The following BACH2 variants were observed in gnomAD, a reference collection of about 807,000 sequenced individuals.
BACH2 encodes BACH transcriptional regulator 2, also known as transcription regulator protein BACH2.
BACH2 carries 5 observed loss-of-function variants against 61.8 expected under a neutral mutation model. That is an observed-to-expected ratio of 0.08 (90% CI 0.04 to 0.17). The LOEUF (loss-of-function observed/expected upper bound fraction) is 0.17, where lower values mean the gene tolerates loss of function less well. Ranked by LOEUF, BACH2 falls within the 10% of genes least tolerant of loss-of-function variation. The pLI is 1.00. For missense variants in BACH2, 824 were observed against 1,091.1 expected (o/e 0.76, Z 3.45); for synonymous variants, 446 against 440.1 (o/e 1.01, Z -0.17).
intron 5 of BACH2, among the ~76,000 whole-genome samples, chr6:90,021,299 T>TAAAAAAAAAAAAAAAAAAAACAAAAAAAA (rs200724602): frequency 1.0e-5 from 1 of 100,242 alleles, no homozygotes; most frequent in Non-Finnish European, 2.3e-5. Context: ...AGCAAAAAAG[T>TAAAAAAAAAAAAAAAAAAAACAAAAAAAA]AAAAAAAAAA....
chr6:90,105,476 G>C (rs1782860403), intron 4 of BACH2, among the ~76,000 whole-genome samples: 1 of 152,132 alleles, frequency 6.6e-6, no homozygotes, highest in South Asian at 2.1e-4. Context: ...GAACAACTTG[G>C]TGTACCAGTG....
intron 1 of BACH2, among the ~76,000 whole-genome samples, chr6:90,289,030 TA>T (rs1476220876): frequency 6.6e-6 from 1 of 152,178 alleles, no homozygotes; most frequent in Non-Finnish European, 1.5e-5. Flanking sequence ...AAATGGACAC[TA>T]AAACCTAAGG....
intron 5 of BACH2, among the ~76,000 whole-genome samples, chr6:90,022,949 C>T (rs1778453647): frequency 1.3e-5 from 2 of 152,258 alleles, no homozygotes; most frequent in Admixed American, 1.3e-4. Flanking sequence ...GAATAACTCC[C>T]AACTGGAAAC....
In BACH2 at chr6:90,008,585, A is replaced by G; in HGVS notation, c.243+17T>C. 1 of 1,613,362 alleles carries G rather than the reference A, an allele frequency of 6.2e-7. No homozygotes were observed. Among genetic ancestry groups the G allele is most frequent in the Non-Finnish European group, 8.5e-7 (1 of 1,179,722 alleles). ...AATAAACATTCATTAACAATCACAC[A>G]AACCAAATTACTGTACCTCCTCAGG... On this transcript the variant is annotated intron_variant, in intron 6 of 8. Transcript: ENST00000257749. The surrounding 1 kb of genome is among the most constrained non-coding windows in gnomAD (Gnocchi z 4.1).
At chr6:90,203,589 G>T (rs528532878) in intron 4 of BACH2, among the ~76,000 whole-genome samples, 109 of 152,086 alleles carry the variant, frequency 7.2e-4, no homozygotes, top group African/African-American at 2.5e-3. Context: ...TAACATGTAA[G>T]AATTTACAAT....
At chr6:90,189,121 T>G (rs1768464739) in intron 4 of BACH2, among the ~76,000 whole-genome samples, 1 of 152,184 alleles carries the variant, frequency 6.6e-6, no homozygotes, top group South Asian at 2.1e-4. Flanking sequence ...TAAAAGCAAC[T>G]TCTTAAAATT....
At chr6:89,964,698 G>A (rs559321843) in intron 6 of BACH2, among the ~76,000 whole-genome samples, 2 of 152,276 alleles carry the variant, frequency 1.3e-5, no homozygotes, top group South Asian at 4.1e-4. Context: ...ACTGGTCGAG[G>A]AGAATTCTGG....
chr6:90,204,022 G>A (rs1562502367), intron 4 of BACH2, among the ~76,000 whole-genome samples: 2 of 152,084 alleles, frequency 1.3e-5, no homozygotes, highest in Admixed American at 6.5e-5. Context: ...GGGATTCTGT[G>A]TTTTCTAGAG....
chr6:90,272,777 A>C (rs1771568017), intron 1 of BACH2, among the ~76,000 whole-genome samples: 1 of 152,134 alleles, frequency 6.6e-6, no homozygotes, highest in Non-Finnish European at 1.5e-5. Context: ...GATCCTGCTT[A>C]GCTGAGAAAA....
intron 3 of BACH2, among the ~76,000 whole-genome samples, chr6:90,225,595 C>T (rs12206126): frequency 0.09 from 13,678 of 151,922 alleles, 730 homozygotes; most frequent in South Asian, 0.15. Context: ...AAGGGAACAA[C>T]GCATACTGGA....
At chr6:90,205,360 C>G (rs770364286) in intron 4 of BACH2, among the ~76,000 whole-genome samples, 1 of 152,200 alleles carries the variant, frequency 6.6e-6, no homozygotes, top group Non-Finnish European at 1.5e-5. Context: ...CTCATAGGAT[C>G]TGGCCCTTGC....
At chr6:90,267,743 G>A (rs1771385292) in intron 2 of BACH2, among the ~76,000 whole-genome samples, 1 of 152,092 alleles carries the variant, frequency 6.6e-6, no homozygotes, top group African/African-American at 2.4e-5. Flanking sequence ...AAGGATAAAT[G>A]TTGTAACAAA....
At chr6:90,217,011 A>G (rs1263244857) in intron 3 of BACH2, among the ~76,000 whole-genome samples, 1 of 152,212 alleles carries the variant, frequency 6.6e-6, no homozygotes, top group African/African-American at 2.4e-5. Flanking sequence ...TCATAATCAC[A>G]TTATAATAAT....
At chr6:90,043,741 A>G (rs1349369674) in intron 5 of BACH2, among the ~76,000 whole-genome samples, 1 of 152,136 alleles carries the variant, frequency 6.6e-6, no homozygotes, top group Admixed American at 6.5e-5. Flanking sequence ...TCTGGCAAAC[A>G]CCTGCTCATC....
Position 90,073,196 on chromosome 6 carries a change from G to A in BACH2, c.-13+15765C>T, listed in dbSNP as rs189251242. Among the ~76,000 whole-genome samples the A allele has an allele frequency of 3.8e-3, 582 of 152,280 alleles. 2 individuals are homozygous for A. The highest frequency in any genetic ancestry group is 6.2e-3 in the Non-Finnish European group (422 of 68,024). On this transcript the variant is annotated intron_variant, in intron 5 of 8. Coordinates refer to ENST00000257749, the MANE Select transcript of BACH2 (RefSeq NM_021813.4). ...AATGAAGATGAGGCTCCTTTAAAAA[G>A]CTTCAGGTTAGAAGGCATGTTTACT...
At chr6:90,029,453 G>A (rs3857498) in intron 5 of BACH2, among the ~76,000 whole-genome samples, 44,955 of 151,916 alleles carry the variant, frequency 0.3, 6,934 homozygotes, top group African/African-American at 0.35. Context: ...ACCCTGCTCC[G>A]TTTAAACCAC....
At chr6:90,190,003 G>C (rs1485909504) in intron 4 of BACH2, among the ~76,000 whole-genome samples, 1 of 152,072 alleles carries the variant, frequency 6.6e-6, no homozygotes. Flanking sequence ...GAGTGCAACG[G>C]CATGATCTCG....
chr6:90,134,995 G>C (rs1784223273), intron 4 of BACH2, among the ~76,000 whole-genome samples: 2 of 152,124 alleles, frequency 1.3e-5, no homozygotes, highest in African/African-American at 4.8e-5. Flanking sequence ...CAGTGGCCCT[G>C]AGATTTATAC....
At chr6:90,177,718 G>A (rs1768027002) in intron 4 of BACH2, among the ~76,000 whole-genome samples, 1 of 152,160 alleles carries the variant, frequency 6.6e-6, no homozygotes, top group Non-Finnish European at 1.5e-5. Context: ...TTCTGCCACT[G>A]ATTAACCTCA....
Sources: gnomAD v4.1 joint callset for allele counts (sites outside exome capture counted in the v4.1 genomes callset) on GRCh38, gnomAD v4.1.1 for gene constraint, Gnocchi (gnomAD v3.1) non-coding constraint, MANE v1.5 for transcripts, NCBI Gene and HGNC (gene_info 2026-07-23, HGNC 2026-07-21) for gene names.